The following NTNG1 variants were observed in gnomAD, a reference collection of about 807,000 sequenced individuals.
NTNG1 encodes netrin-G1.
NTNG1 carries 16 observed loss-of-function variants against 54.0 expected under a neutral mutation model. The observed-to-expected ratio is 0.30, with a 90% confidence interval of 0.20 to 0.45. The LOEUF (loss-of-function observed/expected upper bound fraction) is 0.45. NTNG1 is among the 20% of genes least tolerant of loss of function. The pLI, the probability that NTNG1 is intolerant of heterozygous loss-of-function variation, is 1.00. For missense variants in NTNG1, 530 were observed against 678.7 expected, an observed-to-expected ratio of 0.78 and a Z score of 2.43; for synonymous variants, 255 against 263.1, an observed-to-expected ratio of 0.97 and a Z score of 0.30.
intron 5 of NTNG1, chr1:107,421,187 G>A (rs1351738360): frequency 7.5e-7 from 1 of 1,338,190 alleles, no homozygotes; most frequent in Non-Finnish European, 1.1e-6. Context: ...GGTGTTATGT[G>A]TTGTGAAACA....
At chr1:107,432,480 C>T (rs996113264) in intron 6 of NTNG1, among the ~76,000 whole-genome samples, 1 of 152,182 alleles carries the variant, frequency 6.6e-6, no homozygotes, top group Non-Finnish European at 1.5e-5. Flanking sequence ...ATGACAGCAG[C>T]AATTCCACTC....
chr1:107,407,627 G>A (rs1467863680), intron 4 of NTNG1, 55 bp from the exon 5 acceptor site: 10 of 1,378,506 alleles, frequency 7.3e-6, no homozygotes, highest in South Asian at 2.5e-5. Context: ...AGTTAAAGAT[G>A]TTATGTACTA....
intron 3 of NTNG1, among the ~76,000 whole-genome samples, chr1:107,382,773 C>T (rs1671725634): frequency 6.6e-6 from 1 of 151,954 alleles, no homozygotes; most frequent in Non-Finnish European, 1.5e-5. Context: ...TCCTCTCTCT[C>T]TCTCTCTCTC....
At chr1:107,455,752 G>A (rs991801353) in intron 7 of NTNG1, 13 of 355,868 alleles carry the variant, frequency 3.7e-5, no homozygotes, top group African/African-American at 1.8e-4. Flanking sequence ...TCATGCTGTC[G>A]TGTCAGTGCT....
chr1:107,308,178 T>C (rs531330228), intron 2 of NTNG1, among the ~76,000 whole-genome samples: 1 of 152,338 alleles, frequency 6.6e-6, no homozygotes, highest in African/African-American at 2.4e-5. Flanking sequence ...TTGTCAATTT[T>C]TGCTTTTGTC....
In NTNG1 at chr1:107,443,190, C is replaced by T. The variant is rs558077104; in HGVS notation, c.1390+6391C>T. Reference sequence around the variant, plus strand: ...TGCCCACCTCAGTTTATAGTAAGAACCACAGTTTGATCACTTGGCTGTCCT... The same window carrying T: ...TGCCCACCTCAGTTTATAGTAAGAATCACAGTTTGATCACTTGGCTGTCCT... On this transcript the variant is annotated intron_variant, in intron 7 of 7. Coordinates refer to ENST00000370068, the MANE Select transcript of NTNG1 (RefSeq NM_001113226.3). Among the ~76,000 whole-genome samples, 9 of 152,148 alleles carry T rather than the reference C, an allele frequency of 5.9e-5. No homozygotes were observed. The East Asian group carries it at 1.6e-3, about 26-fold the overall frequency.
At chr1:107,328,306 G>A (rs1345894816) in intron 3 of NTNG1, among the ~76,000 whole-genome samples, 2 of 152,106 alleles carry the variant, frequency 1.3e-5, no homozygotes, top group African/African-American at 4.8e-5. Flanking sequence ...TAATTAAAGA[G>A]CGGCTCTCTT....
chr1:107,455,062 A>ATT (rs111552271), intron 7 of NTNG1, among the ~76,000 whole-genome samples: 10 of 139,454 alleles, frequency 7.2e-5, no homozygotes, highest in Admixed American at 7.2e-5. Flanking sequence ...CATGGTGACT[A>ATT]TTTTTTTTTT....
intron 2 of NTNG1, among the ~76,000 whole-genome samples, chr1:107,208,643 C>A (rs1659376174): frequency 6.6e-6 from 1 of 152,094 alleles, no homozygotes; most frequent in African/African-American, 2.4e-5. Flanking sequence ...ATGCAAGTGA[C>A]CAGCACCACA....
chr1:107,325,348 CA>C lies in NTNG1; in HGVS notation c.887+433del, dbSNP rs542418087. ...AATTTATGTTTTGTGTAATATTGCA[CA>C]AAAAAATCTGGAAACTAGAGTTATG... On this transcript the variant is annotated intron_variant, in intron 3 of 7. Transcript: ENST00000370068. 1.3e-3 allele frequency among the ~76,000 whole-genome samples: 196 copies of C among 151,804 alleles called. 1 individual carries two copies. Among genetic ancestry groups the C allele is most frequent in the African/African-American group, 4.6e-3 (191 of 41,384 alleles).
intron 5 of NTNG1, among the ~76,000 whole-genome samples, chr1:107,419,380 A>T (rs1254532315): frequency 6.6e-6 from 1 of 151,272 alleles, no homozygotes; most frequent in African/African-American, 2.4e-5. Context: ...TTAGAGCAGT[A>T]ATTATTTTCT....
At chr1:107,236,950 A>C (rs577639734) in intron 2 of NTNG1, among the ~76,000 whole-genome samples, 1 of 152,300 alleles carries the variant, frequency 6.6e-6, no homozygotes, top group South Asian at 2.1e-4. Flanking sequence ...AATTGGTACC[A>C]GAAGTGGGGT....
At chr1:107,478,358 A>G (rs1678467872) in intron 7 of NTNG1, among the ~76,000 whole-genome samples, 1 of 152,184 alleles carries the variant, frequency 6.6e-6, no homozygotes, top group Admixed American at 6.5e-5. Flanking sequence ...GAGATTACTA[A>G]TTCTGGGCTA....
In NTNG1 at chr1:107,447,678, G is replaced by A. The variant is rs537893925; in HGVS notation, c.1390+10879G>A. Among the ~76,000 whole-genome samples, 5 of 152,100 alleles carry A rather than the reference G, an allele frequency of 3.3e-5. No individual in the cohort carries two copies. The East Asian group carries it at 7.7e-4, about 24-fold the overall frequency. ...TGATAGAAACATCTAATAAAACATG[G>A]TTCAATCAACTATGTTCAATACGTC... On this transcript the variant is annotated intron_variant, in intron 7 of 7. Transcript: ENST00000370068.
In NTNG1 at chr1:107,208,939, T is replaced by A. The variant is rs577505908; in HGVS notation, c.246+60100T>A. Among the ~76,000 whole-genome samples the A allele has an allele frequency of 5.3e-5, 8 of 152,294 alleles. No individual in the cohort carries two copies. In the East Asian group the frequency reaches 7.7e-4, roughly 15 times the overall value. ...CAGTATTTATTTGTGAGATTACTTG[T>A]CTCGTTGGTAAATACAGCTAGTTAG... is the stretch of plus-strand genomic sequence containing the variant. On this transcript the variant is annotated intron_variant, in intron 2 of 7. Transcript: ENST00000370068.
intron 5 of NTNG1, among the ~76,000 whole-genome samples, chr1:107,413,522 A>T (rs1280853494): frequency 2.0e-5 from 3 of 152,116 alleles, no homozygotes; most frequent in Admixed American, 6.6e-5. Context: ...TATAAACCCA[A>T]AGGGACCTTG....
At chr1:107,217,471 G>T (rs1406854466) in intron 2 of NTNG1, among the ~76,000 whole-genome samples, 1 of 151,858 alleles carries the variant, frequency 6.6e-6, no homozygotes, top group Non-Finnish European at 1.5e-5. Context: ...CTCTGTTCTT[G>T]GTATTTATTT....
chr1:107,210,203 C>T (rs1421323098), intron 2 of NTNG1, among the ~76,000 whole-genome samples: 2 of 151,744 alleles, frequency 1.3e-5, no homozygotes, highest in Non-Finnish European at 2.9e-5. Context: ...ACCCTGAACA[C>T]AATAATAAAA....
chr1:107,425,373 C>T (rs1024572483), intron 5 of NTNG1, among the ~76,000 whole-genome samples: 3 of 151,844 alleles, frequency 2.0e-5, no homozygotes, highest in Non-Finnish European at 2.9e-5. Flanking sequence ...CTATTTTTTC[C>T]ATCTTTATGT....
Sources: gnomAD v4.1 joint callset for allele counts (sites outside exome capture counted in the v4.1 genomes callset) on GRCh38, gnomAD v4.1.1 for gene constraint, MANE v1.5 for transcripts, NCBI Gene and HGNC (gene_info 2026-07-23, HGNC 2026-07-21) for gene names.